Variants in GRIA4 observed in about 807,000 individuals in gnomAD.
GRIA4 encodes glutamate receptor 4.
GRIA4 carries 34 observed loss-of-function variants against 104.0 expected under a neutral mutation model. The observed-to-expected ratio is 0.33, with a 90% confidence interval of 0.25 to 0.44. GRIA4 has a LOEUF of 0.44. Ranked by LOEUF, GRIA4 falls within the 20% of genes least tolerant of loss-of-function variation. GRIA4 has a pLI of 1.00. For missense variants in GRIA4, 750 were observed against 1,096.5 expected (o/e 0.68, Z 4.46); for synonymous variants, 386 against 381.9 (o/e 1.01, Z -0.13).
At chr11:105,861,757 T>C (rs1945233578) in intron 4 of GRIA4, among the ~76,000 whole-genome samples, 2 of 152,184 alleles carry the variant, frequency 1.3e-5, no homozygotes, top group Admixed American at 1.3e-4. Context: ...AAAAAATGTC[T>C]ACAGCAATGC....
intron 5 of GRIA4, among the ~76,000 whole-genome samples, chr11:105,877,554 G>T (rs1002123098): frequency 1.4e-4 from 21 of 152,146 alleles, no homozygotes; most frequent in Admixed American, 1.4e-3. Context: ...CCAATCAAAT[G>T]TAGGTTTGGT....
At chr11:105,685,997 A>C (rs930293023) in intron 3 of GRIA4, among the ~76,000 whole-genome samples, 1 of 152,184 alleles carries the variant, frequency 6.6e-6, no homozygotes, top group Non-Finnish European at 1.5e-5. Context: ...CTCAATACTA[A>C]GAAATGAAAT....
chr11:105,707,383 T>C (rs950815261), intron 3 of GRIA4: 1 of 152,200 alleles, frequency 6.6e-6, no homozygotes, highest in African/African-American at 2.4e-5. Context: ...CCACAATTCA[T>C]AAAAAGGAAA....
At chr11:105,951,385 A>G (rs1317145189) in intron 14 of GRIA4, among the ~76,000 whole-genome samples, 1 of 152,226 alleles carries the variant, frequency 6.6e-6, no homozygotes, top group Non-Finnish European at 1.5e-5. Context: ...TAGAATAATA[A>G]TAACCACAAC....
At chr11:105,974,230 G>A in intron 15 of GRIA4, 80 bp from the exon 16 acceptor site, 2 of 1,393,136 alleles carry the variant, frequency 1.4e-6, no homozygotes, top group Non-Finnish European at 2.0e-6. Flanking sequence ...ACTTTCATTG[G>A]CTTTTTGGAT....
At chr11:105,728,937 A>G (rs764467712) in intron 3 of GRIA4, among the ~76,000 whole-genome samples, 26 of 152,204 alleles carry the variant, frequency 1.7e-4, no homozygotes, top group Non-Finnish European at 2.9e-4. Context: ...CATCACAATT[A>G]GAAGAACTAG....
At chr11:105,953,213 T>G (rs1948499313) in intron 14 of GRIA4, among the ~76,000 whole-genome samples, 1 of 152,238 alleles carries the variant, frequency 6.6e-6, no homozygotes, top group East Asian at 1.9e-4. Context: ...ATTAGACATA[T>G]TTAGTTCTTC....
chr11:105,949,952 C>A (rs147961927), intron 14 of GRIA4, among the ~76,000 whole-genome samples: 2 of 152,282 alleles, frequency 1.3e-5, no homozygotes, highest in Non-Finnish European at 2.9e-5. Flanking sequence ...TCACTATCCT[C>A]ATCTGTAAAA....
intron 14 of GRIA4, among the ~76,000 whole-genome samples, chr11:105,966,673 A>G (rs1304338524): frequency 6.6e-6 from 1 of 150,746 alleles, no homozygotes; most frequent in Admixed American, 6.7e-5. Context: ...TTCACTTCAT[A>G]TCTTAACTCC....
intron 14 of GRIA4, among the ~76,000 whole-genome samples, chr11:105,963,599 C>G (rs1027461842): frequency 6.6e-6 from 1 of 152,078 alleles, no homozygotes; most frequent in Non-Finnish European, 1.5e-5. Flanking sequence ...TAATTGTGAA[C>G]TGGGTAGTAA....
At chr11:105,637,696 A>C (rs762817649) in intron 3 of GRIA4, among the ~76,000 whole-genome samples, 10 of 152,176 alleles carry the variant, frequency 6.6e-5, no homozygotes, top group Non-Finnish European at 7.4e-5. Flanking sequence ...AGGACAGAGA[A>C]ATTTCCAAGC....
rs778899371 is a variant in GRIA4 at position 105,903,773 on chromosome 11, GATTTTAACATTTACC to G, written c.886-37_886-23del. The G allele has an allele frequency of 7.0e-6, 10 of 1,421,790 alleles. No individual in the cohort carries two copies. In the Admixed American group the frequency reaches 1.7e-4, roughly 24 times the overall value. 88.1% of individuals were successfully genotyped at this position (1,421,790 alleles called of 1,614,324 possible). On this transcript the variant is annotated intron_variant, in intron 7 of 16. Coordinates refer to ENST00000282499, the MANE Select transcript of GRIA4 (RefSeq NM_000829.4). ...CCAGACCATTTCTGGCACTCGATAA[GATTTTAACATTTACC>G]ATTATGTTCATTTTCATTTGGTTAG...
Position 105,825,302 on chromosome 11 carries a change from C to T in GRIA4, c.488-36722C>T, listed in dbSNP as rs894140102. Among the ~76,000 whole-genome samples the T allele has an allele frequency of 4.6e-5, 7 of 152,042 alleles. No individual in the cohort carries two copies. The South Asian group carries it at 1.2e-3, about 27-fold the overall frequency. On this transcript the variant is annotated intron_variant, in intron 4 of 16. Coordinates refer to ENST00000282499, the MANE Select transcript of GRIA4 (RefSeq NM_000829.4). ...AGCTGCAGCAGTCCAGGGGACATCA[C>T]TGGGTTTCAGCCCAGCTGAACTATT...
chr11:105,680,720 C>T (rs952156744), intron 3 of GRIA4, among the ~76,000 whole-genome samples: 2 of 152,092 alleles, frequency 1.3e-5, no homozygotes, highest in Admixed American at 1.3e-4. Context: ...TACCCTCCTC[C>T]CTTCCCCAGT....
chr11:105,748,081 A>G (rs1282293808), intron 3 of GRIA4, among the ~76,000 whole-genome samples: 2 of 152,256 alleles, frequency 1.3e-5, no homozygotes, highest in African/African-American at 4.8e-5. Flanking sequence ...ATGGCTTAGA[A>G]TAACAGTGAT....
intron 11 of GRIA4, among the ~76,000 whole-genome samples, chr11:105,921,076 A>G (rs1947544537): frequency 6.6e-6 from 1 of 152,142 alleles, no homozygotes; most frequent in South Asian, 2.1e-4. Context: ...TGGATTCACT[A>G]TATTTTTTTA....
intron 4 of GRIA4, among the ~76,000 whole-genome samples, chr11:105,798,669 G>C (rs1323966753): frequency 6.6e-6 from 1 of 152,066 alleles, no homozygotes; most frequent in Admixed American, 6.6e-5. Context: ...ACTGGCACTA[G>C]GAGTGGTGAG....
rs571943860 is a variant in GRIA4, at chr11:105,705,040, T to C, written c.248-47941T>C. 1.4e-4 allele frequency among the ~76,000 whole-genome samples: 21 copies of C among 152,238 alleles called. No homozygotes were observed. The South Asian group carries it at 3.7e-3, about 27-fold the overall frequency. Reference sequence around the variant, plus strand: ...TTCAAAGTTTCTATAATTAAAATAATGTGGTAACGGCACAATAATAGACAA... The same window carrying C: ...TTCAAAGTTTCTATAATTAAAATAACGTGGTAACGGCACAATAATAGACAA... On this transcript the variant is annotated intron_variant, in intron 3 of 16. Transcript: ENST00000282499.
chr11:105,820,992 AT>A lies in GRIA4; in HGVS notation c.488-41030del, dbSNP rs1943555709. On this transcript the variant is annotated intron_variant, in intron 4 of 16. Transcript: ENST00000282499. Reference sequence around the variant, plus strand: ...GCCTGAACGTTTATTAGTTTTTGTTATTGTTTTTGTGTTTAAATTGGTTCTC... The same window carrying A: ...GCCTGAACGTTTATTAGTTTTTGTTATGTTTTTGTGTTTAAATTGGTTCTC... 2.0e-5 allele frequency among the ~76,000 whole-genome samples: 3 copies of A among 152,024 alleles called. No homozygotes were observed. The South Asian group carries it at 6.2e-4, about 32-fold the overall frequency.
Sources: gnomAD v4.1 joint callset for allele counts (sites outside exome capture counted in the v4.1 genomes callset) on GRCh38, gnomAD v4.1.1 for gene constraint, MANE v1.5 for transcripts, NCBI Gene and HGNC (gene_info 2026-07-23, HGNC 2026-07-21) for gene names.